Variants in VAT1L observed in about 807,000 individuals in gnomAD.
VAT1L encodes the protein vesicle amine transport 1 like.
VAT1L carries 34 observed loss-of-function variants against 44.1 expected under a neutral mutation model. The observed-to-expected ratio is 0.77, with a 90% CI of 0.59 to 1.03. VAT1L has a LOEUF of 1.03. VAT1L is among the 50% of genes least tolerant of loss of function. The probability of loss-of-function intolerance (pLI) is 0.00; values close to 1 mark genes in which losing one functional copy is unlikely to be tolerated. For synonymous variants in VAT1L, 253 were observed against 202.2 expected (o/e 1.25, Z -2.13); for missense variants, 615 against 538.8 (o/e 1.14, Z -1.40).
At chr16:77,889,357 T>G (rs1055630472) in intron 7 of VAT1L, among the ~76,000 whole-genome samples, 15 of 152,190 alleles carry the variant, frequency 9.9e-5, no homozygotes, top group Non-Finnish European at 2.9e-5. Context: ...TTCCAGATAC[T>G]AAATGTGCAG....
chr16:77,908,111 C>T (rs1039528298), intron 7 of VAT1L, among the ~76,000 whole-genome samples: 14 of 151,980 alleles, frequency 9.2e-5, no homozygotes, highest in South Asian at 2.1e-4. Context: ...TGGTGGCGGA[C>T]GCCTGTAGTC....
intron 1 of VAT1L, among the ~76,000 whole-genome samples, chr16:77,814,360 C>T (rs1226283800): frequency 6.6e-6 from 1 of 152,190 alleles, no homozygotes; most frequent in Non-Finnish European, 1.5e-5. Context: ...GGGGCATTCT[C>T]CATGACCTGA....
rs897133804 is a variant in VAT1L at position 77,971,789 on chromosome 16, C to A, written c.1078-61C>A. ...TTGACAGTTTGAGTTCTCCAGGCCC[C>A]CTTTTTAACTGGGGAACATCTCGCC... is the stretch of plus-strand genomic sequence containing the variant. On this transcript the variant is annotated intron_variant, in intron 7 of 8. Transcript: ENST00000302536. 16 of 1,553,272 alleles carry A rather than the reference C, an allele frequency of 1.0e-5. No individual in the cohort carries two copies. In the African/African-American group the frequency reaches 1.6e-4, roughly 16 times the overall value.
chr16:77,921,162 C>G (rs2017607616), intron 7 of VAT1L, among the ~76,000 whole-genome samples: 1 of 152,200 alleles, frequency 6.6e-6, no homozygotes, highest in Admixed American at 6.5e-5. Flanking sequence ...AGGGCCATTA[C>G]TGACAGGAAT....
chr16:77,957,680 G>A (rs1428619490), intron 7 of VAT1L, among the ~76,000 whole-genome samples: 3 of 151,332 alleles, frequency 2.0e-5, no homozygotes, highest in Non-Finnish European at 4.4e-5. Context: ...AGCTGAGATC[G>A]GGCCACTGCA....
chr16:77,945,484 C>T (rs8047810), intron 7 of VAT1L, among the ~76,000 whole-genome samples: 1 of 151,622 alleles, frequency 6.6e-6, no homozygotes, highest in South Asian at 2.1e-4. Flanking sequence ...GAGACAGGCT[C>T]TTACTGTGTT....
At position 77,954,048 on chromosome 16, in the gene VAT1L, G is replaced by A. The variant is rs181582853; in HGVS notation, c.1078-17802G>A. On this transcript the variant is annotated intron_variant, in intron 7 of 8. Coordinates refer to ENST00000302536, the MANE Select transcript of VAT1L (RefSeq NM_020927.3). ...TGTGACCCCACCACCACTGAGATTCGTCCCTGAAACCATCAGCAGATGAAA... is the reference window on the plus strand; with the variant it reads ...TGTGACCCCACCACCACTGAGATTCATCCCTGAAACCATCAGCAGATGAAA... Among the ~76,000 whole-genome samples the A allele has an allele frequency of 5.3e-5, 8 of 152,164 alleles. No homozygotes were observed. In the East Asian group the frequency reaches 9.7e-4, roughly 18 times the overall value.
At chr16:77,922,899 C>T (rs1423300604) in intron 7 of VAT1L, among the ~76,000 whole-genome samples, 3 of 152,142 alleles carry the variant, frequency 2.0e-5, no homozygotes, top group Non-Finnish European at 4.4e-5. Context: ...AGTTGGAATT[C>T]CTGGGGAGCT....
intron 3 of VAT1L, among the ~76,000 whole-genome samples, chr16:77,844,542 G>A (rs1447433043): frequency 6.6e-6 from 1 of 152,096 alleles, no homozygotes; most frequent in Non-Finnish European, 1.5e-5. Flanking sequence ...CCAAGTAGGT[G>A]GGACTACAGG....
intron 7 of VAT1L, among the ~76,000 whole-genome samples, chr16:77,914,713 A>T (rs1194850852): frequency 6.6e-6 from 1 of 152,214 alleles, no homozygotes; most frequent in Non-Finnish European, 1.5e-5. Context: ...TGGGCCGGTT[A>T]TTGAAGCTGA....
chr16:77,795,184 C>G (rs2015905446), intron 1 of VAT1L, among the ~76,000 whole-genome samples: 1 of 151,178 alleles, frequency 6.6e-6, no homozygotes, highest in Admixed American at 6.6e-5. Context: ...TCACATACTT[C>G]TGTCTTCCCA....
chr16:77,865,741 C>A (rs1233380132), intron 4 of VAT1L, among the ~76,000 whole-genome samples: 2 of 152,088 alleles, frequency 1.3e-5, no homozygotes. Flanking sequence ...GGGCTAGGAT[C>A]CCACATCAGG....
intron 3 of VAT1L, among the ~76,000 whole-genome samples, chr16:77,847,167 G>C (rs1194471562): frequency 3.3e-5 from 5 of 151,932 alleles, no homozygotes; most frequent in African/African-American, 1.2e-4. Flanking sequence ...GCTGCTCTTG[G>C]AGAAGTAATT....
intron 7 of VAT1L, among the ~76,000 whole-genome samples, chr16:77,968,173 C>T (rs2018242963): frequency 6.6e-6 from 1 of 152,104 alleles, no homozygotes; most frequent in African/African-American, 2.4e-5. Context: ...GGAATCTGGG[C>T]ACAGCTTAGT....
At chr16:77,954,291 T>C (rs987980306) in intron 7 of VAT1L, among the ~76,000 whole-genome samples, 1 of 152,146 alleles carries the variant, frequency 6.6e-6, no homozygotes, top group African/African-American at 2.4e-5. Context: ...TGCCAGGATA[T>C]TTAAGTCAAG....
intron 7 of VAT1L, among the ~76,000 whole-genome samples, chr16:77,889,235 A>G (rs769144796): frequency 2.6e-5 from 4 of 152,186 alleles, no homozygotes; most frequent in Non-Finnish European, 5.9e-5. Context: ...CTCAGACTAG[A>G]AGATTTAATA....
intron 7 of VAT1L, among the ~76,000 whole-genome samples, chr16:77,897,988 G>A (rs2017342225): frequency 6.6e-6 from 1 of 152,192 alleles, no homozygotes; most frequent in South Asian, 2.1e-4. Context: ...CTGGAGGCTG[G>A]AAGTGTAAAG....
intron 1 of VAT1L, among the ~76,000 whole-genome samples, chr16:77,803,905 AG>A (rs1160434829): frequency 2.6e-5 from 4 of 152,304 alleles, no homozygotes; most frequent in Non-Finnish European, 5.9e-5. Flanking sequence ...AACAGGAACA[AG>A]GGGCACGCCC....
At chr16:77,937,731 G>A (rs72796732) in intron 7 of VAT1L, among the ~76,000 whole-genome samples, 2 of 152,198 alleles carry the variant, frequency 1.3e-5, no homozygotes, top group African/African-American at 2.4e-5. Context: ...CCACCTGACT[G>A]TCTCACAAAT....
Sources: allele counts gnomAD v4.1 joint callset (sites outside exome capture counted in the v4.1 genomes callset), GRCh38; gene constraint gnomAD v4.1.1; transcripts MANE v1.5; gene names NCBI Gene and HGNC (gene_info 2026-07-23, HGNC 2026-07-21).